THEMIS: variants seen among roughly 807,000 people sequenced by gnomAD.
THEMIS encodes protein THEMIS.
THEMIS carries 37 observed loss-of-function variants against 52.6 expected under a neutral mutation model. The ratio of observed to expected loss-of-function variants is 0.70; its 90% CI spans 0.54 to 0.93. THEMIS has a LOEUF of 0.93. Among genes scored for constraint, THEMIS ranks in the 40% least tolerant of loss-of-function variants. The pLI is 0.00. For synonymous variants in THEMIS, 292 were observed against 272.7 expected (o/e 1.07, Z -0.70); for missense variants, 808 against 763.1 (o/e 1.06, Z -0.69).
intron 4 of THEMIS, among the ~76,000 whole-genome samples, chr6:127,782,308 G>T (rs764142944): frequency 4.6e-5 from 7 of 152,070 alleles, no homozygotes; most frequent in Non-Finnish European, 1.0e-4. Flanking sequence ...GGAGTGAACA[G>T]TTCTGTCTCA....
At chr6:127,797,113 C>A (rs1262615208) in intron 4 of THEMIS, among the ~76,000 whole-genome samples, 1 of 152,158 alleles carries the variant, frequency 6.6e-6, no homozygotes, top group African/African-American at 2.4e-5. Context: ...TAATGATGTG[C>A]TCTCTTCAAC....
At chr6:127,890,222 TTC>T (rs1780761527) in intron 1 of THEMIS, among the ~76,000 whole-genome samples, 1 of 152,112 alleles carries the variant, frequency 6.6e-6, no homozygotes, top group South Asian at 2.1e-4. Context: ...ATTAGAACCA[TTC>T]GAATCACTGG....
chr6:127,732,828 C>T (rs1156926045), intron 4 of THEMIS, among the ~76,000 whole-genome samples: 2 of 152,148 alleles, frequency 1.3e-5, no homozygotes, highest in African/African-American at 2.4e-5. Context: ...TTTTTGTGCA[C>T]GTGTCACACA....
chr6:127,902,171 A>T (rs897554198), upstream of THEMIS, among the ~76,000 whole-genome samples: 10 of 151,600 alleles, frequency 6.6e-5, no homozygotes, highest in African/African-American at 1.9e-4. Context: ...CAAAAAAATT[A>T]AAAAATTAGC....
intron 4 of THEMIS, among the ~76,000 whole-genome samples, chr6:127,761,179 T>C (rs921989612): frequency 1.3e-5 from 2 of 152,052 alleles, no homozygotes; most frequent in African/African-American, 4.8e-5. Flanking sequence ...CCTGTCAGGA[T>C]GGTTATTACC....
intron 1 of THEMIS, among the ~76,000 whole-genome samples, chr6:127,877,823 C>CT (rs1780359742): frequency 6.6e-6 from 1 of 152,090 alleles, no homozygotes; most frequent in African/African-American, 2.4e-5. Context: ...TTGCTCGATA[C>CT]AGGTGTGCCA....
rs186341294 is a variant in THEMIS at position 127,835,770 on chromosome 6, C to A, written c.251-5836G>T. ...CAAAAATTTCCAGGAATGATAATTT[C>A]CACAGATTTCACCAGCATGTTTGAA... On this transcript the variant is annotated intron_variant, in intron 2 of 5. Transcript: ENST00000368248. Among the ~76,000 whole-genome samples, 15 of 152,240 alleles carry A rather than the reference C, an allele frequency of 9.9e-5. No individual in the cohort carries two copies. In the East Asian group the frequency reaches 2.3e-3, roughly 24 times the overall value.
At chr6:127,713,920 T>A (rs1355626011) in intron 5 of THEMIS, among the ~76,000 whole-genome samples, 18 of 151,882 alleles carry the variant, frequency 1.2e-4, no homozygotes, top group Admixed American at 1.2e-3. Context: ...ATGGGCCATG[T>A]GTACGAGCAA....
chr6:127,697,372 G>A, the THEMIS span, among the ~76,000 whole-genome samples: 3 of 152,108 alleles, frequency 2.0e-5, no homozygotes, highest in African/African-American at 7.2e-5. Flanking sequence ...ATCTCTGAAG[G>A]ATTGTTGCAT....
chr6:127,709,373 C>T lies in THEMIS; in HGVS notation c.*612G>A, dbSNP rs939999760. On this transcript the variant is annotated 3_prime_UTR_variant, in exon 6 of 6. Transcript: ENST00000368248. ...ATAGAAGAGAAGGTTATGGAAAACT[C>T]CTATGACTCTCAATGGCTTTGGCTG... 2 of 151,964 alleles carry T rather than the reference C, an allele frequency of 1.3e-5. No individual in the cohort carries two copies. The highest frequency in any genetic ancestry group is 4.8e-5 in the African/African-American group (2 of 41,404). The allele number at this position is 151,964 out of a possible 1,614,324, so 9.4% of individuals were successfully genotyped here.
intron 1 of THEMIS, among the ~76,000 whole-genome samples, chr6:127,878,421 G>T (rs746905819): frequency 3.3e-5 from 5 of 151,848 alleles, no homozygotes; most frequent in South Asian, 4.2e-4. Context: ...GCTGACACGT[G>T]GCCATATAGC....
chr6:127,738,745 G>T (rs571047888), intron 4 of THEMIS, among the ~76,000 whole-genome samples: 1 of 152,082 alleles, frequency 6.6e-6, no homozygotes, highest in African/African-American at 2.4e-5. Context: ...GACATAAGTG[G>T]TGAATTAATC....
chr6:127,825,106 T>C (rs563367885), intron 3 of THEMIS, among the ~76,000 whole-genome samples: 1 of 152,116 alleles, frequency 6.6e-6, no homozygotes, highest in East Asian at 1.9e-4. Context: ...AATGTAGTTA[T>C]GAAAATTTTC....
chr6:127,848,518 T>A (rs1167660360), intron 2 of THEMIS, among the ~76,000 whole-genome samples: 1 of 152,026 alleles, frequency 6.6e-6, no homozygotes, highest in African/African-American at 2.4e-5. Context: ...CCACAATGGT[T>A]GAACTAGTTT....
chr6:127,699,164 G>A, the THEMIS span, among the ~76,000 whole-genome samples: 1 of 151,808 alleles, frequency 6.6e-6, no homozygotes, highest in South Asian at 2.1e-4. Context: ...GTCTTTGGGA[G>A]GAGGGGATGT....
intron 4 of THEMIS, among the ~76,000 whole-genome samples, chr6:127,781,439 T>C (rs897742381): frequency 6.6e-6 from 1 of 152,008 alleles, no homozygotes; most frequent in African/African-American, 2.4e-5. Flanking sequence ...CCCTTACTGG[T>C]GAGGAGTTGT....
intron 4 of THEMIS, among the ~76,000 whole-genome samples, chr6:127,765,347 T>G (rs957619969): frequency 6.6e-6 from 1 of 151,920 alleles, no homozygotes; most frequent in South Asian, 2.1e-4. Context: ...GAGAGAACAA[T>G]AAAAGCCCAA....
intron 4 of THEMIS, among the ~76,000 whole-genome samples, chr6:127,798,282 A>T (rs962272127): frequency 6.6e-6 from 1 of 152,250 alleles, no homozygotes; most frequent in African/African-American, 2.4e-5. Context: ...ATCTTATTTT[A>T]AAGTTGTGAT....
At chr6:127,700,075 A>T in the THEMIS span, among the ~76,000 whole-genome samples, 1 of 151,908 alleles carries the variant, frequency 6.6e-6, no homozygotes, top group African/African-American at 2.4e-5. Flanking sequence ...ACTTGTATTT[A>T]ATATTTATAT....
Sources: allele counts gnomAD v4.1 joint callset (sites outside exome capture counted in the v4.1 genomes callset), GRCh38; gene constraint gnomAD v4.1.1; transcripts MANE v1.5; gene names NCBI Gene and HGNC (gene_info 2026-07-23, HGNC 2026-07-21).